The following PIAS1 variants were observed in gnomAD, a reference collection of about 807,000 sequenced individuals.
PIAS1 encodes the protein E3 SUMO-protein ligase PIAS1.
A neutral mutation model predicts 71.3 loss-of-function variants in PIAS1; 6 were observed. The observed-to-expected ratio is 0.08, with a 90% CI of 0.05 to 0.17. The LOEUF (loss-of-function observed/expected upper bound fraction) is 0.17. Ranked by LOEUF, PIAS1 falls within the 10% of genes least tolerant of loss-of-function variation. PIAS1 has a pLI of 1.00. For synonymous variants in PIAS1, 303 were observed against 292.9 expected, an observed-to-expected ratio of 1.03 and a Z score of -0.35; for missense variants, 555 against 793.6, an observed-to-expected ratio of 0.70 and a Z score of 3.61.
chr15:68,129,139 G>A (rs1314040301), intron 2 of PIAS1, among the ~76,000 whole-genome samples: 2 of 152,048 alleles, frequency 1.3e-5, no homozygotes, highest in African/African-American at 2.4e-5. Flanking sequence ...ATTTTTCACT[G>A]TAACCTCGAA....
chr15:68,068,328 C>A (rs1275124795), intron 1 of PIAS1, among the ~76,000 whole-genome samples: 1 of 152,154 alleles, frequency 6.6e-6, no homozygotes, highest in Non-Finnish European at 1.5e-5. Flanking sequence ...GTGATGGCGC[C>A]ACTGTACTCC....
At chr15:68,142,442 G>A in intron 4 of PIAS1, 105 bp downstream of exon 4, 1 of 872,198 alleles carries the variant, frequency 1.1e-6, no homozygotes, top group Non-Finnish European at 1.8e-6. Flanking sequence ...TATATTCAAA[G>A]TTTAAAAGAT....
At chr15:68,083,841 G>C (rs2092253242) in intron 1 of PIAS1, among the ~76,000 whole-genome samples, 1 of 150,914 alleles carries the variant, frequency 6.6e-6, no homozygotes, top group South Asian at 2.1e-4. Context: ...AGAACAGTCT[G>C]GGCAACATAG....
intron 8 of PIAS1, among the ~76,000 whole-genome samples, chr15:68,166,401 T>C (rs943406889): frequency 2.0e-5 from 3 of 151,856 alleles, no homozygotes; most frequent in African/African-American, 7.2e-5. Context: ...ACTGGGGAAG[T>C]AGAGGGTGAG....
intron 1 of PIAS1, among the ~76,000 whole-genome samples, chr15:68,073,469 A>G (rs1315364163): frequency 1.3e-5 from 2 of 152,220 alleles, no homozygotes; most frequent in African/African-American, 4.8e-5. Flanking sequence ...TGACAAGTAA[A>G]CAGGGCCTCT....
intron 2 of PIAS1, among the ~76,000 whole-genome samples, chr15:68,134,712 G>A (rs1454136191): frequency 5.2e-5 from 2 of 38,666 alleles, no homozygotes; most frequent in African/African-American, 1.1e-4. Flanking sequence ...CTGGCCGGGC[G>A]GGGGCTGACC....
At chr15:68,153,499 G>C (rs2092863931) in intron 6 of PIAS1, 91 bp from the exon 7 acceptor site, 1 of 631,220 alleles carries the variant, frequency 1.6e-6, no homozygotes, top group Non-Finnish European at 2.8e-6. Flanking sequence ...TTTAAGAAGT[G>C]TTAGTTTTCT....
intron 2 of PIAS1, among the ~76,000 whole-genome samples, chr15:68,118,328 A>T (rs1002708092): frequency 7.3e-5 from 11 of 150,784 alleles, no homozygotes; most frequent in African/African-American, 2.7e-4. Flanking sequence ...CTCAAAAAAA[A>T]AAAAAAAATA....
chr15:68,105,091 G>A (rs1396062003), intron 2 of PIAS1, among the ~76,000 whole-genome samples: 1 of 152,196 alleles, frequency 6.6e-6, no homozygotes, highest in Non-Finnish European at 1.5e-5. Flanking sequence ...AGCCAAGAGA[G>A]CTGAGCTGTA....
rs1468462531 is a variant in PIAS1 at position 68,189,458 on chromosome 15, A to G, written c.*1623A>G. ...TTGTAGTTTTAAACCTTGCATTGGTAACAAAATGATCAACTTTAATCCAGG... is the reference window on the plus strand; with the variant it reads ...TTGTAGTTTTAAACCTTGCATTGGTGACAAAATGATCAACTTTAATCCAGG... On this transcript the variant is annotated 3_prime_UTR_variant, in exon 14 of 14. Transcript: ENST00000249636. 1 of 152,200 alleles carries G rather than the reference A, an allele frequency of 6.6e-6. No individual in the cohort carries two copies. 9.4% of individuals were successfully genotyped at this position (152,200 alleles called of 1,614,324 possible).
chr15:68,142,731 T>C (rs1412439832), intron 4 of PIAS1, among the ~76,000 whole-genome samples: 2 of 150,866 alleles, frequency 1.3e-5, no homozygotes, highest in Non-Finnish European at 3.0e-5. Context: ...TAATGATATC[T>C]TACAATATCA....
chr15:68,109,008 C>G (rs1486782204), intron 2 of PIAS1, among the ~76,000 whole-genome samples: 1 of 152,182 alleles, frequency 6.6e-6, no homozygotes, highest in Non-Finnish European at 1.5e-5. Flanking sequence ...TGTTACTCCT[C>G]TGTTTAAAAC....
chr15:68,156,338 A>G (rs999361491), intron 7 of PIAS1, among the ~76,000 whole-genome samples: 2 of 152,214 alleles, frequency 1.3e-5, no homozygotes, highest in Non-Finnish European at 2.9e-5. Flanking sequence ...GATTATAAGT[A>G]TGAGGAGAAG....
chr15:68,153,576 C>T lies in PIAS1; in HGVS notation c.829-14C>T. 2.6e-6 allele frequency: 3 copies of T among 1,172,942 alleles called. No individual in the cohort carries two copies. Among genetic ancestry groups the T allele is most frequent in the Non-Finnish European group, 2.5e-6 (2 of 809,538 alleles). 72.7% of individuals were successfully genotyped at this position (1,172,942 alleles called of 1,614,324 possible). A position where few individuals can be genotyped will look rare whatever the true frequency, so the allele number is the denominator to read the frequency against. On this transcript the variant is annotated splice_polypyrimidine_tract_variant and intron_variant, in intron 6 of 13. Coordinates refer to ENST00000249636, the MANE Select transcript of PIAS1 (RefSeq NM_016166.3). ...TACATATGTTGTTTGTTTTCTACTT[C>T]TTTTTTTTTCCAGAACTATTCCATG...
intron 2 of PIAS1, among the ~76,000 whole-genome samples, chr15:68,123,511 T>C (rs1463811949): frequency 6.6e-6 from 1 of 152,212 alleles, no homozygotes; most frequent in Non-Finnish European, 1.5e-5. Flanking sequence ...GTATCTATTT[T>C]AGAAAAGTAA....
At chr15:68,132,472 C>G (rs539000662) in intron 2 of PIAS1, among the ~76,000 whole-genome samples, 2 of 150,928 alleles carry the variant, frequency 1.3e-5, no homozygotes, top group African/African-American at 4.9e-5. Context: ...GAGACTCTGT[C>G]TCTAAAAAAA....
At chr15:68,168,770 C>A (rs1306924427) in intron 8 of PIAS1, among the ~76,000 whole-genome samples, 9 of 152,090 alleles carry the variant, frequency 5.9e-5, no homozygotes, top group Admixed American at 5.2e-4. Context: ...CATTTGAAAG[C>A]GAGCTTTTGC....
intron 8 of PIAS1, among the ~76,000 whole-genome samples, chr15:68,169,185 T>C (rs143769698): frequency 6.6e-6 from 1 of 152,180 alleles, no homozygotes; most frequent in Admixed American, 6.5e-5. Flanking sequence ...CCTTATAAAA[T>C]AGGAATTTGT....
intron 1 of PIAS1, among the ~76,000 whole-genome samples, chr15:68,073,548 T>C (rs914775012): frequency 6.6e-6 from 1 of 152,176 alleles, no homozygotes; most frequent in African/African-American, 2.4e-5. Context: ...ATTTTTTTAA[T>C]GTTAGGAGTG....
Sources: gnomAD v4.1 joint callset for allele counts (sites outside exome capture counted in the v4.1 genomes callset) on GRCh38, gnomAD v4.1.1 for gene constraint, MANE v1.5 for transcripts, NCBI Gene and HGNC (gene_info 2026-07-23, HGNC 2026-07-21) for gene names.